Variants in AGPAT4 observed in about 807,000 individuals in gnomAD.
AGPAT4 encodes 1-acylglycerol-3-phosphate O-acyltransferase 4.
Under a neutral mutation model 48.0 loss-of-function variants are expected in AGPAT4, and 15 were observed. The observed-to-expected ratio is 0.31, with a 90% CI of 0.21 to 0.48. AGPAT4 has a LOEUF of 0.48. Among genes scored for constraint, AGPAT4 ranks in the 20% least tolerant of loss-of-function variants. The probability of loss-of-function intolerance (pLI) is 0.99; values close to 1 mark genes in which losing one functional copy is unlikely to be tolerated. For synonymous variants in AGPAT4, 178 were observed against 198.7 expected (o/e 0.90, Z 0.88); for missense variants, 314 against 482.5 (o/e 0.65, Z 3.27).
chr6:161,235,969 T>C lies in AGPAT4; in HGVS notation c.-89-3667A>G, dbSNP rs1485875990. ...TCTTGAATAAAACAGCACTTTCTCT[T>C]CTAACGTGGCAATTAGCCAATTTCA... On this transcript the variant is annotated intron_variant, in intron 1 of 8. Coordinates refer to ENST00000320285, the MANE Select transcript of AGPAT4 (RefSeq NM_020133.3). The surrounding 1 kb of genome is among the most constrained non-coding windows in gnomAD (Gnocchi z 6.2). Among the ~76,000 whole-genome samples the C allele has an allele frequency of 6.6e-6, 1 of 152,192 alleles. No individual in the cohort carries two copies. Among genetic ancestry groups the C allele is most frequent in the African/African-American group, 2.4e-5 (1 of 41,452 alleles).
In AGPAT4 at chr6:161,214,084, T is replaced by C. The variant is rs1341558881; in HGVS notation, c.178+17952A>G. ...TAAATGCATATCTTACTGCCTCCTT[T>C]GGAGAGGCTCATCAGAAACTCAAAA... On this transcript the variant is annotated intron_variant, in intron 2 of 8. Coordinates refer to ENST00000320285, the MANE Select transcript of AGPAT4 (RefSeq NM_020133.3). The surrounding 1 kb of genome is among the most constrained non-coding windows in gnomAD (Gnocchi z 5.4). Among the ~76,000 whole-genome samples the C allele has an allele frequency of 1.3e-5, 2 of 152,232 alleles. No individual in the cohort carries two copies. Among genetic ancestry groups the C allele is most frequent in the African/African-American group, 2.4e-5 (1 of 41,464 alleles).
At chr6:161,167,889 C>T (rs1229092057) in intron 2 of AGPAT4, among the ~76,000 whole-genome samples, 1 of 152,210 alleles carries the variant, frequency 6.6e-6, no homozygotes, top group Non-Finnish European at 1.5e-5. Flanking sequence ...CAGCGTAGAG[C>T]ACATTGTAAG....
At position 161,240,158 on chromosome 6, in the gene AGPAT4, TA is replaced by T. The variant is rs1035024607; in HGVS notation, c.-89-7857del. On this transcript the variant is annotated intron_variant, in intron 1 of 8. Transcript: ENST00000320285. The surrounding 1 kb of genome is among the most constrained non-coding windows in gnomAD (Gnocchi z 5.5). ...CATGTGGAGAAAATAATCACAACTC[TA>T]AAAAAAAAACCGGAAGAAAAGAAAG... Among the ~76,000 whole-genome samples, 30 of 142,264 alleles carry T rather than the reference TA, an allele frequency of 2.1e-4. 1 individual carries two copies. Among genetic ancestry groups the T allele is most frequent in the Middle Eastern group, 3.6e-3 (1 of 274 alleles). 93.3% of individuals were successfully genotyped at this position (142,264 alleles called of 152,430 possible).
In AGPAT4 at chr6:161,242,273, C is replaced by T. The variant is rs1782514689; in HGVS notation, c.-89-9971G>A. The stretch of plus-strand genomic sequence containing the variant: ...CCTGGGCCAGTCTCACGCTTTTAAC[C>T]AGTCTCACGCTCTTAATGCTGCCTA... On this transcript the variant is annotated intron_variant, in intron 1 of 8. Transcript: ENST00000320285. This position sits in a 1 kb window ranked among gnomAD's most constrained non-coding sequence, Gnocchi z 5.0. Among the ~76,000 whole-genome samples the T allele has an allele frequency of 6.6e-6, 1 of 152,226 alleles. No homozygotes were observed. The highest frequency in any genetic ancestry group is 1.5e-5 in the Non-Finnish European group (1 of 68,048).
At chr6:161,273,253 G>A (rs1286698758) in intron 1 of AGPAT4, among the ~76,000 whole-genome samples, 2 of 152,054 alleles carry the variant, frequency 1.3e-5, no homozygotes, top group Non-Finnish European at 2.9e-5. Flanking sequence ...GAAATTCATA[G>A]GCCGAAAATT....
rs998476550 is a variant in AGPAT4 at position 161,254,018 on chromosome 6, T to C, written c.-90+19920A>G. Among the ~76,000 whole-genome samples, 4 of 152,232 alleles carry C rather than the reference T, an allele frequency of 2.6e-5. No homozygotes were observed. The highest frequency in any genetic ancestry group is 9.6e-5 in the African/African-American group (4 of 41,466). On this transcript the variant is annotated intron_variant, in intron 1 of 8. Transcript: ENST00000320285. This position sits in a 1 kb window ranked among gnomAD's most constrained non-coding sequence, Gnocchi z 5.9. Reference sequence around the variant, plus strand: ...TACTATATATTAACAAATTGCTTTTTAAAATGGTTGGACAATTCACACTTC... The same window carrying C: ...TACTATATATTAACAAATTGCTTTTCAAAATGGTTGGACAATTCACACTTC...
chr6:161,272,466 T>C lies in AGPAT4; in HGVS notation c.-90+1472A>G, dbSNP rs1053412522. Among the ~76,000 whole-genome samples, 2 of 152,098 alleles carry C rather than the reference T, an allele frequency of 1.3e-5. No individual in the cohort carries two copies. The highest frequency in any genetic ancestry group is 2.4e-5 in the African/African-American group (1 of 41,376). ...TTATCAAACGCTTCCTTAGACGTACTGAATAAAAGCATCAGTTTAGCCGGT... is the reference window on the plus strand; with the variant it reads ...TTATCAAACGCTTCCTTAGACGTACCGAATAAAAGCATCAGTTTAGCCGGT... On this transcript the variant is annotated intron_variant, in intron 1 of 8. Coordinates refer to ENST00000320285, the MANE Select transcript of AGPAT4 (RefSeq NM_020133.3). The surrounding 1 kb of genome is among the most constrained non-coding windows in gnomAD (Gnocchi z 4.2).
chr6:161,146,466 C>T lies in AGPAT4; in HGVS notation c.843+58G>A. On this transcript the variant is annotated intron_variant, in intron 7 of 8. Coordinates refer to ENST00000320285, the MANE Select transcript of AGPAT4 (RefSeq NM_020133.3). This position sits in a 1 kb window ranked among gnomAD's most constrained non-coding sequence, Gnocchi z 7.1. ...AAAGGCCTGCTACCACACAACACAG[C>T]CACACGGCGCACCCACAGCTGCAAC... 1 of 1,561,458 alleles carries T rather than the reference C, an allele frequency of 6.4e-7. No homozygotes were observed.
At position 161,238,038 on chromosome 6, in the gene AGPAT4, A is replaced by G. The variant is rs1582899726; in HGVS notation, c.-89-5736T>C. ...GCAACGCGAGACCACCTGGAAGCCAAGCACTGCTGTGTGTTGGGGGGCTGG... is the reference window on the plus strand; with the variant it reads ...GCAACGCGAGACCACCTGGAAGCCAGGCACTGCTGTGTGTTGGGGGGCTGG... On this transcript the variant is annotated intron_variant, in intron 1 of 8. Transcript: ENST00000320285. The surrounding 1 kb of genome is among the most constrained non-coding windows in gnomAD (Gnocchi z 5.2). 7.9e-6 allele frequency among the ~76,000 whole-genome samples: 1 copy of G among 126,690 alleles called. No homozygotes were observed. Among genetic ancestry groups the G allele is most frequent in the East Asian group, 2.8e-4 (1 of 3,606 alleles). The allele number at this position is 126,690 out of a possible 152,430, so 83.1% of individuals were successfully genotyped here.
rs1172527395 is a variant in AGPAT4, at chr6:161,130,444, C to T, written c.*6096G>A. The T allele has an allele frequency of 6.3e-6, 1 of 158,470 alleles. No homozygotes were observed. The highest frequency in any genetic ancestry group is 1.9e-4 in the South Asian group (1 of 5,262). 9.8% of individuals were successfully genotyped at this position (158,470 alleles called of 1,614,324 possible). Reference sequence around the variant, plus strand: ...TCTGTAAAACCCACTCGCTTTCCCTCCTTAAATTACCTCCCTCCAGGTCTG... The same window carrying T: ...TCTGTAAAACCCACTCGCTTTCCCTTCTTAAATTACCTCCCTCCAGGTCTG... On this transcript the variant is annotated 3_prime_UTR_variant, in exon 9 of 9. Transcript: ENST00000320285.
In AGPAT4 at chr6:161,259,378, C is replaced by G. The variant is rs924953015; in HGVS notation, c.-90+14560G>C. Among the ~76,000 whole-genome samples, 3 of 152,074 alleles carry G rather than the reference C, an allele frequency of 2.0e-5. No individual in the cohort carries two copies. Reference sequence around the variant, plus strand: ...TCATCCTTTCTATACTGAGATAGTCCTAATATGACCTTGGCTGTCCGCAGC... The same window carrying G: ...TCATCCTTTCTATACTGAGATAGTCGTAATATGACCTTGGCTGTCCGCAGC... On this transcript the variant is annotated intron_variant, in intron 1 of 8. Transcript: ENST00000320285. The surrounding 1 kb of genome is among the most constrained non-coding windows in gnomAD (Gnocchi z 4.9).
chr6:161,148,587 C>T lies in AGPAT4; in HGVS notation c.767+600G>A, dbSNP rs1201187061. 1.3e-5 allele frequency among the ~76,000 whole-genome samples: 2 copies of T among 152,288 alleles called. No homozygotes were observed. Among genetic ancestry groups the T allele is most frequent in the South Asian group, 4.2e-4 (2 of 4,804 alleles). On this transcript the variant is annotated intron_variant, in intron 6 of 8. Coordinates refer to ENST00000320285, the MANE Select transcript of AGPAT4 (RefSeq NM_020133.3). This position sits in a 1 kb window ranked among gnomAD's most constrained non-coding sequence, Gnocchi z 5.5. Reference sequence around the variant, plus strand: ...CACAACAAACCAATACGGTCCCTGACCCGTCACACTGGGTTTTAATGCATG... The same window carrying T: ...CACAACAAACCAATACGGTCCCTGATCCGTCACACTGGGTTTTAATGCATG...
chr6:161,265,968 C>G (rs1173503791), intron 1 of AGPAT4, among the ~76,000 whole-genome samples: 2 of 152,174 alleles, frequency 1.3e-5, no homozygotes, highest in Admixed American at 6.5e-5. Flanking sequence ...GGTTAGGACC[C>G]TATTAGTCCT....
rs1360421940 is a variant in AGPAT4 at position 161,159,758 on chromosome 6, C to T, written c.349-5448G>A. ...TCCCGGGTTCAAGCGATTCTCCTGC[C>T]TCAGCCTCCGGAGTAGCTGGGATTA... On this transcript the variant is annotated intron_variant, in intron 3 of 8. Transcript: ENST00000320285. This position sits in a 1 kb window ranked among gnomAD's most constrained non-coding sequence, Gnocchi z 4.1. Among the ~76,000 whole-genome samples the T allele has an allele frequency of 6.6e-6, 1 of 151,910 alleles. No individual in the cohort carries two copies. The highest frequency in any genetic ancestry group is 1.9e-4 in the East Asian group (1 of 5,172).
chr6:161,163,087 T>A (rs1404270), intron 3 of AGPAT4, among the ~76,000 whole-genome samples: 6,154 of 152,350 alleles, frequency 0.04, 404 homozygotes, highest in African/African-American at 0.14. Flanking sequence ...GGCACTGCAA[T>A]GAGCAGTGGC....
Position 161,245,670 on chromosome 6 carries a change from G to C in AGPAT4, c.-89-13368C>G, listed in dbSNP as rs1450945837. Among the ~76,000 whole-genome samples, 2 of 152,036 alleles carry C rather than the reference G, an allele frequency of 1.3e-5. No homozygotes were observed. The highest frequency in any genetic ancestry group is 4.8e-5 in the African/African-American group (2 of 41,394). On this transcript the variant is annotated intron_variant, in intron 1 of 8. Coordinates refer to ENST00000320285, the MANE Select transcript of AGPAT4 (RefSeq NM_020133.3). The surrounding 1 kb of genome is among the most constrained non-coding windows in gnomAD (Gnocchi z 5.2). ...CAGAAACTGGGCTCTTTTCTCTTTG[G>C]TAGGCCCCTCCCTCTCCTACTCACT...
Position 161,137,538 on chromosome 6 carries a change from C to T in AGPAT4, c.1043-904G>A, listed in dbSNP as rs1437445443. 3.9e-5 allele frequency among the ~76,000 whole-genome samples: 6 copies of T among 152,196 alleles called. No individual in the cohort carries two copies. Among genetic ancestry groups the T allele is most frequent in the African/African-American group, 1.4e-4 (6 of 41,442 alleles). On this transcript the variant is annotated intron_variant, in intron 8 of 8. Transcript: ENST00000320285. The surrounding 1 kb of genome is among the most constrained non-coding windows in gnomAD (Gnocchi z 6.1). ...GCATCTCCCATGGGTCATTTACAAA[C>T]TGGAGGGCTCCTGCATGGAGCGTAA...
chr6:161,173,041 C>T (rs190103413), intron 2 of AGPAT4, among the ~76,000 whole-genome samples: 9 of 152,300 alleles, frequency 5.9e-5, no homozygotes, highest in African/African-American at 1.7e-4. Context: ...TCCAGTCTAT[C>T]ATTGATGGAC....
rs778787041 is a variant in AGPAT4 at position 161,159,107 on chromosome 6, A to G, written c.349-4797T>C. On this transcript the variant is annotated intron_variant, in intron 3 of 8. Coordinates refer to ENST00000320285, the MANE Select transcript of AGPAT4 (RefSeq NM_020133.3). This position sits in a 1 kb window ranked among gnomAD's most constrained non-coding sequence, Gnocchi z 4.1. ...AAACAGCCTGCCTTTGAGTCCTTTG[A>G]CTGTTTTCTTGACTACCAGCTGGAG... Among the ~76,000 whole-genome samples the G allele has an allele frequency of 3.3e-5, 5 of 152,124 alleles. No individual in the cohort carries two copies. Among genetic ancestry groups the G allele is most frequent in the African/African-American group, 4.8e-5 (2 of 41,396 alleles).
Sources: allele counts gnomAD v4.1 joint callset (sites outside exome capture counted in the v4.1 genomes callset), GRCh38; gene constraint gnomAD v4.1.1; non-coding constraint Gnocchi (gnomAD v3.1); transcripts MANE v1.5; gene names NCBI Gene and HGNC (gene_info 2026-07-23, HGNC 2026-07-21).